FAM13A: variants seen among roughly 807,000 people sequenced by gnomAD.
FAM13A encodes the protein family with sequence similarity 13 member A, also known as protein FAM13A.
Under a neutral mutation model 129.6 loss-of-function variants are expected in FAM13A, and 76 were observed. The observed-to-expected ratio is 0.59, with a 90% CI of 0.49 to 0.71. The LOEUF is 0.71. FAM13A is among the 30% of genes least tolerant of loss of function. FAM13A has a pLI of 0.00. For missense variants in FAM13A, 1,108 were observed against 1,249.3 expected (o/e 0.89, Z 1.70); for synonymous variants, 443 against 449.9 (o/e 0.98, Z 0.20).
intron 14 of FAM13A, among the ~76,000 whole-genome samples, chr4:88,756,105 A>G (rs1743570107): frequency 6.6e-6 from 1 of 152,254 alleles, no homozygotes; most frequent in Admixed American, 6.5e-5. Context: ...AGAGCTTTAA[A>G]TAACACAGAA....
intron 7 of FAM13A, among the ~76,000 whole-genome samples, chr4:88,840,100 A>G (rs1735568967): frequency 3.9e-5 from 6 of 152,270 alleles, no homozygotes. Context: ...AAAGATATCC[A>G]GGAAGGCCAG....
At chr4:88,845,877 T>C (rs1332747208) in intron 7 of FAM13A, among the ~76,000 whole-genome samples, 3 of 152,214 alleles carry the variant, frequency 2.0e-5, no homozygotes. Flanking sequence ...TGAAACACAC[T>C]GTCCCATGGT....
Position 88,913,505 on chromosome 4 carries a change from A to AGAAGAAGAG in FAM13A, c.760-7044_760-7043insCTCTTCTTC. On this transcript the variant is annotated intron_variant, in intron 5 of 23. Transcript: ENST00000264344. ...AGGAAGAAGAAGAGGAGGAAGAGGA[A>AGAAGAAGAG]GAGGAAGAAGAGGAGGAGGAGGAAG... Among the ~76,000 whole-genome samples, 3 of 147,150 alleles carry AGAAGAAGAG rather than the reference A, an allele frequency of 2.0e-5. No individual in the cohort carries two copies. The South Asian group carries it at 6.8e-4, about 33-fold the overall frequency.
At chr4:88,978,319 G>A (rs766785897) in intron 4 of FAM13A, among the ~76,000 whole-genome samples, 17 of 152,048 alleles carry the variant, frequency 1.1e-4, no homozygotes, top group Non-Finnish European at 2.4e-4. Context: ...CTATGTTTAT[G>A]GATTTACCAT....
intron 20 of FAM13A, among the ~76,000 whole-genome samples, chr4:88,738,217 G>T (rs141596762): frequency 0.014 from 2,185 of 152,298 alleles, 48 homozygotes; most frequent in African/African-American, 0.05. Context: ...CAGCTAAAAT[G>T]AGTATGTATT....
At chr4:88,730,652 A>G (rs1301375557) in intron 23 of FAM13A, among the ~76,000 whole-genome samples, 1 of 152,142 alleles carries the variant, frequency 6.6e-6, no homozygotes, top group East Asian at 1.9e-4. Flanking sequence ...TTGACCTCCC[A>G]AAGTGCTAGG....
chr4:88,893,095 T>C (rs1039996830), intron 6 of FAM13A, among the ~76,000 whole-genome samples: 8 of 152,192 alleles, frequency 5.3e-5, no homozygotes, highest in African/African-American at 1.7e-4. Context: ...ATCACAGATA[T>C]GATCAAAGCT....
chr4:88,900,207 A>G (rs560860536), intron 6 of FAM13A, among the ~76,000 whole-genome samples: 5 of 152,178 alleles, frequency 3.3e-5, no homozygotes, highest in African/African-American at 1.2e-4. Flanking sequence ...TGGAAAACAT[A>G]CTTCATATGC....
intron 4 of FAM13A, among the ~76,000 whole-genome samples, chr4:88,946,102 A>G (rs1401221803): frequency 1.4e-5 from 2 of 147,824 alleles, no homozygotes; most frequent in African/African-American, 5.0e-5. Flanking sequence ...AGTACATGCC[A>G]TACCTTATTT....
intron 8 of FAM13A, among the ~76,000 whole-genome samples, chr4:88,798,351 C>T (rs564164678): frequency 1.3e-5 from 2 of 152,236 alleles, no homozygotes; most frequent in South Asian, 2.1e-4. Flanking sequence ...AGAAGAATCC[C>T]TTTCTTCCCC....
intron 7 of FAM13A, among the ~76,000 whole-genome samples, chr4:88,849,429 C>T (rs977013164): frequency 2.6e-5 from 4 of 152,154 alleles, no homozygotes; most frequent in African/African-American, 7.2e-5. Flanking sequence ...GGGATAAAAT[C>T]GAGGTTCTCC....
chr4:88,804,991 A>C lies in FAM13A; in HGVS notation c.1049+20T>G. 6.7e-7 allele frequency: 1 copy of C among 1,482,572 alleles called. No homozygotes were observed. 91.8% of individuals were successfully genotyped at this position (1,482,572 alleles called of 1,614,324 possible). ...CCTCCTTTATTCCCTGTAGTAGACC[A>C]ACAAAAATCAAATAAATACCTCAAA... On this transcript the variant is annotated intron_variant, in intron 8 of 23. Coordinates refer to ENST00000264344, the MANE Select transcript of FAM13A (RefSeq NM_014883.4).
At chr4:89,046,511 G>A (rs183842614) in intron 1 of FAM13A, among the ~76,000 whole-genome samples, 7 of 152,256 alleles carry the variant, frequency 4.6e-5, no homozygotes, top group Admixed American at 3.9e-4. Flanking sequence ...AAATCATAAT[G>A]TGATACCATT....
At chr4:88,782,858 T>A (rs1560980249) in intron 10 of FAM13A, among the ~76,000 whole-genome samples, 1 of 152,208 alleles carries the variant, frequency 6.6e-6, no homozygotes, top group Non-Finnish European at 1.5e-5. Context: ...CAGTGCCTTC[T>A]GTGGGTGGCT....
At chr4:89,054,115 C>T (rs138218897) in intron 1 of FAM13A, among the ~76,000 whole-genome samples, 1 of 152,156 alleles carries the variant, frequency 6.6e-6, no homozygotes, top group South Asian at 2.1e-4. Flanking sequence ...TTTGAGCCTA[C>T]AACAGTATCA....
chr4:88,747,338 C>T (rs1274955853), intron 18 of FAM13A, among the ~76,000 whole-genome samples: 2 of 152,138 alleles, frequency 1.3e-5, no homozygotes, highest in East Asian at 3.9e-4. Context: ...TTACATGGTC[C>T]CAAAGGTTTG....
At chr4:88,808,981 C>A (rs145042514) in intron 7 of FAM13A, among the ~76,000 whole-genome samples, 1 of 152,066 alleles carries the variant, frequency 6.6e-6, no homozygotes, top group East Asian at 1.9e-4. Context: ...TTTTTATCTA[C>A]GTTTTAGCAG....
chr4:88,840,770 T>A (rs1162777934), intron 7 of FAM13A, among the ~76,000 whole-genome samples: 1 of 152,080 alleles, frequency 6.6e-6, no homozygotes, highest in African/African-American at 2.4e-5. Flanking sequence ...GAATTGAAAG[T>A]TAATGTTCTC....
intron 5 of FAM13A, among the ~76,000 whole-genome samples, chr4:88,918,821 C>A (rs75595088): frequency 6.6e-6 from 1 of 152,294 alleles, no homozygotes; most frequent in Admixed American, 6.5e-5. Context: ...TCAGGGAAAC[C>A]ATTTTCAGCC....
Sources: allele counts gnomAD v4.1 joint callset (sites outside exome capture counted in the v4.1 genomes callset), GRCh38; gene constraint gnomAD v4.1.1; transcripts MANE v1.5; gene names NCBI Gene and HGNC (gene_info 2026-07-23, HGNC 2026-07-21).